Variants in SASH1 observed in about 807,000 individuals in gnomAD.
SASH1 encodes the protein SAM and SH3 domain-containing protein 1.
In SASH1, 44 loss-of-function variants were observed where a neutral mutation model predicts 125.2. That is an observed-to-expected ratio of 0.35 (90% confidence interval 0.28 to 0.45). The LOEUF (loss-of-function observed/expected upper bound fraction) is 0.45. Among genes scored for constraint, SASH1 ranks in the 20% least tolerant of loss-of-function variants. SASH1 has a pLI of 1.00. For synonymous variants in SASH1, 639 were observed against 649.1 expected, an observed-to-expected ratio of 0.98 and a Z score of 0.24; for missense variants, 1,426 against 1,614.5, an observed-to-expected ratio of 0.88 and a Z score of 2.00.
the SASH1 span, among the ~76,000 whole-genome samples, chr6:148,202,782 T>C: frequency 6.6e-6 from 1 of 152,212 alleles, no homozygotes; most frequent in Admixed American, 6.5e-5. Flanking sequence ...GGCGAAATTC[T>C]GTCTCTACTA....
At chr6:148,307,221 C>T (rs868728068) in intron 1 of SASH1, among the ~76,000 whole-genome samples, 2 of 152,030 alleles carry the variant, frequency 1.3e-5, no homozygotes, top group Non-Finnish European at 2.9e-5. Context: ...CAGGTTCAAG[C>T]GATTCTCCTG....
At chr6:148,301,116 C>T (rs904587342) in intron 1 of SASH1, among the ~76,000 whole-genome samples, 6 of 151,692 alleles carry the variant, frequency 4.0e-5, no homozygotes, top group African/African-American at 1.5e-4. Context: ...AAACTGCAGT[C>T]GGGAGTTCGA....
intron 10 of SASH1, among the ~76,000 whole-genome samples, chr6:148,522,942 A>G (rs900561738): frequency 6.6e-6 from 1 of 152,014 alleles, no homozygotes; most frequent in Non-Finnish European, 1.5e-5. Context: ...ATTCTTTGTC[A>G]CTCCTCCACT....
Position 148,375,190 on chromosome 6 carries a change from C to T in SASH1, c.157-14944C>T, listed in dbSNP as rs148992903. ...CATGTTTTGTAGAGATAGGGTTTCACCATGTTGCCCAGGCTGGTCTCGAAC... is the reference window on the plus strand; with the variant it reads ...CATGTTTTGTAGAGATAGGGTTTCATCATGTTGCCCAGGCTGGTCTCGAAC... On this transcript the variant is annotated intron_variant, in intron 1 of 19. Transcript: ENST00000367467. Among the ~76,000 whole-genome samples, 296 of 151,884 alleles carry T rather than the reference C, an allele frequency of 1.9e-3. 1 individual carries two copies. Among genetic ancestry groups the T allele is most frequent in the African/African-American group, 6.9e-3 (285 of 41,406 alleles).
At chr6:148,260,149 A>G in the SASH1 span, among the ~76,000 whole-genome samples, 1 of 152,216 alleles carries the variant, frequency 6.6e-6, no homozygotes, top group Non-Finnish European at 1.5e-5. Context: ...GTTTGAATAT[A>G]ATATGCATAT....
At chr6:148,474,734 C>G (rs1778265388) in intron 7 of SASH1, among the ~76,000 whole-genome samples, 1 of 152,026 alleles carries the variant, frequency 6.6e-6, no homozygotes, top group Non-Finnish European at 1.5e-5. Flanking sequence ...ACCACACCTA[C>G]CTAGTTTTTA....
the SASH1 span, among the ~76,000 whole-genome samples, chr6:148,205,662 C>T: frequency 0.1 from 15,190 of 152,150 alleles, 970 homozygotes; most frequent in African/African-American, 0.18. Flanking sequence ...AGACTCAGCT[C>T]TGACCACCAC....
At chr6:148,493,170 C>A (rs1272378578) in intron 8 of SASH1, among the ~76,000 whole-genome samples, 1 of 152,194 alleles carries the variant, frequency 6.6e-6, no homozygotes, top group East Asian at 1.9e-4. Context: ...TTTCTGCCAA[C>A]ACCCATGCCC....
chr6:148,487,187 C>G (rs1345901378), intron 7 of SASH1, among the ~76,000 whole-genome samples: 1 of 149,658 alleles, frequency 6.7e-6, no homozygotes, highest in East Asian at 2.0e-4. Context: ...CTGTCATTTT[C>G]TCTTCCTAAA....
chr6:148,527,622 C>T (rs554853425), intron 12 of SASH1, 26 bp downstream of exon 12: 5 of 1,582,762 alleles, frequency 3.2e-6, no homozygotes, highest in Non-Finnish European at 4.3e-6. Flanking sequence ...GTAGAATGTT[C>T]CCTTGGTTCT....
chr6:148,476,974 C>G (rs940453823), intron 7 of SASH1, among the ~76,000 whole-genome samples: 3 of 152,148 alleles, frequency 2.0e-5, no homozygotes, highest in African/African-American at 7.2e-5. Context: ...AAAGAACAAT[C>G]TCTTCAATAA....
intron 4 of SASH1, among the ~76,000 whole-genome samples, chr6:148,452,030 CG>C (rs1777123232): frequency 6.6e-6 from 1 of 152,140 alleles, no homozygotes; most frequent in African/African-American, 2.4e-5. Flanking sequence ...TTCTGCCCCA[CG>C]GAGGTGGATG....
At chr6:148,307,344 C>T (rs913389332) in intron 1 of SASH1, among the ~76,000 whole-genome samples, 14 of 152,036 alleles carry the variant, frequency 9.2e-5, no homozygotes, top group Non-Finnish European at 2.1e-4. Context: ...TCTCAAACCC[C>T]TGACCTCGTG....
the SASH1 span, among the ~76,000 whole-genome samples, chr6:148,215,166 C>T: frequency 1.3e-5 from 2 of 152,154 alleles, no homozygotes; most frequent in Admixed American, 6.5e-5. Context: ...GACAGGCTCC[C>T]TGTGAGAAGG....
intron 1 of SASH1, among the ~76,000 whole-genome samples, chr6:148,276,907 A>G (rs1779198633): frequency 6.6e-6 from 1 of 152,140 alleles, no homozygotes; most frequent in Non-Finnish European, 1.5e-5. Flanking sequence ...CAATGTAGCA[A>G]GACCCCCATC....
chr6:148,399,214 CTTTTT>C (rs371374910), intron 2 of SASH1, among the ~76,000 whole-genome samples: 12 of 106,674 alleles, frequency 1.1e-4, no homozygotes, highest in Middle Eastern at 5.3e-3. Flanking sequence ...ATTTCAGCTT[CTTTTT>C]TTTTTTTTTT....
At chr6:148,228,930 G>A in the SASH1 span, among the ~76,000 whole-genome samples, 6 of 152,074 alleles carry the variant, frequency 3.9e-5, no homozygotes, top group African/African-American at 1.4e-4. Context: ...GACGTCAAGA[G>A]TTCAAGACCA....
intron 2 of SASH1, among the ~76,000 whole-genome samples, chr6:148,423,199 A>T (rs538348236): frequency 6.6e-6 from 1 of 152,246 alleles, no homozygotes; most frequent in East Asian, 1.9e-4. Context: ...AGCCTCCCAA[A>T]GTGTTGGGAT....
chr6:148,212,486 C>T, the SASH1 span, among the ~76,000 whole-genome samples: 1 of 152,198 alleles, frequency 6.6e-6, no homozygotes. Context: ...GAAAGCTGAA[C>T]ATTTTTAGTG....
Sources: gnomAD v4.1 joint callset for allele counts (sites outside exome capture counted in the v4.1 genomes callset) on GRCh38, gnomAD v4.1.1 for gene constraint, MANE v1.5 for transcripts, NCBI Gene and HGNC (gene_info 2026-07-23, HGNC 2026-07-21) for gene names.